Variants in STAG1 observed in about 807,000 individuals in gnomAD.
STAG1 encodes cohesin subunit SA-1.
STAG1 carries 26 observed loss-of-function variants against 170.9 expected under a neutral mutation model. The observed-to-expected ratio is 0.15, with a 90% CI of 0.11 to 0.21. The LOEUF is 0.21. Ranked by LOEUF, STAG1 falls within the 10% of genes least tolerant of loss-of-function variation. STAG1 has a pLI of 1.00. For synonymous variants in STAG1, 514 were observed against 497.7 expected, an observed-to-expected ratio of 1.03 and a Z score of -0.44; for missense variants, 964 against 1,509.5, an observed-to-expected ratio of 0.64 and a Z score of 5.99.
chr3:136,575,229 T>C (rs1576624264), intron 4 of STAG1, among the ~76,000 whole-genome samples: 1 of 152,134 alleles, frequency 6.6e-6, no homozygotes, highest in Non-Finnish European at 1.5e-5. Flanking sequence ...GTAGTGGGTT[T>C]TTCTTTTTTC....
chr3:136,464,911 G>A lies in STAG1; in HGVS notation c.1283C>T (p.Ala428Val). ...GTGAAGGAACTCTCCAGCTGCCACAGCAACAGGGCGATGTGCCGAGTACAC... is the reference window on the plus strand; with the variant it reads ...GTGAAGGAACTCTCCAGCTGCCACAACAACAGGGCGATGTGCCGAGTACAC... ...HLVYSAHRPV[A>V]VAAGEFLHKK... is the part of the protein sequence containing the mutation. The change falls in exon 13 of 34, where the codon GCT (alanine) becomes GTT (valine). Residue 428 changes from alanine to valine, a missense_variant. By Grantham distance (64) the Ala-to-Val change is moderately conservative (BLOSUM62 0). Around this residue, in one of 11 missense-constraint regions of STAG1, gnomAD observed 162 missense variants for 211.2 expected, o/e 0.77. Coordinates refer to ENST00000383202, the MANE Select transcript of STAG1 (RefSeq NM_005862.3). 6.2e-7 allele frequency: 1 copy of A among 1,612,306 alleles called. No individual in the cohort carries two copies. Among genetic ancestry groups the A allele is most frequent in the Non-Finnish European group, 8.5e-7 (1 of 1,179,260 alleles).
intron 4 of STAG1, among the ~76,000 whole-genome samples, chr3:136,601,952 T>C (rs979572514): frequency 6.6e-6 from 1 of 152,166 alleles, no homozygotes; most frequent in Non-Finnish European, 1.5e-5. Context: ...TATTGGTCAA[T>C]GTTTTATTTC....
At chr3:136,671,773 T>G (rs774451737) in intron 1 of STAG1, among the ~76,000 whole-genome samples, 4 of 151,992 alleles carry the variant, frequency 2.6e-5, no homozygotes, top group Non-Finnish European at 5.9e-5. Flanking sequence ...TTCGTGTTAT[T>G]TTGCAGGCTG....
chr3:136,493,561 G>A (rs1373480666), intron 9 of STAG1, among the ~76,000 whole-genome samples: 3 of 151,142 alleles, frequency 2.0e-5, no homozygotes, highest in Non-Finnish European at 4.4e-5. Context: ...GGGCTGAGGC[G>A]GGAGTACTGC....
At chr3:136,352,072 A>G (rs1936453247) in intron 28 of STAG1, among the ~76,000 whole-genome samples, 1 of 152,238 alleles carries the variant, frequency 6.6e-6, no homozygotes, top group Admixed American at 6.5e-5. Context: ...CCAACGAGAA[A>G]ATAATATCAA....
intron 1 of STAG1, among the ~76,000 whole-genome samples, chr3:136,725,383 A>T (rs759942671): frequency 6.6e-6 from 1 of 152,232 alleles, no homozygotes; most frequent in Non-Finnish European, 1.5e-5. Flanking sequence ...TGAGCTATTA[A>T]CATTGCTGGT....
intron 1 of STAG1, among the ~76,000 whole-genome samples, chr3:136,670,646 T>G (rs1368668105): frequency 6.6e-6 from 1 of 152,028 alleles, no homozygotes; most frequent in African/African-American, 2.4e-5. Flanking sequence ...ATTTTTTGTA[T>G]TTTTAGTAGA....
chr3:136,477,100 G>T (rs1478545861), intron 10 of STAG1, among the ~76,000 whole-genome samples, 189 bp downstream of exon 10: 2 of 152,104 alleles, frequency 1.3e-5, no homozygotes, highest in Non-Finnish European at 2.9e-5. Context: ...ACAAGATAGG[G>T]TCTTCACCCC....
chr3:136,551,264 A>AGGGC (rs1936387596), intron 5 of STAG1, among the ~76,000 whole-genome samples: 1 of 139,034 alleles, frequency 7.2e-6, no homozygotes, highest in East Asian at 2.1e-4. Context: ...AGAGAGAGGG[A>AGGGC]GAGCGAGAGA....
intron 15 of STAG1, among the ~76,000 whole-genome samples, chr3:136,441,322 C>T (rs2088625664): frequency 6.6e-6 from 1 of 152,124 alleles, no homozygotes; most frequent in African/African-American, 2.4e-5. Context: ...CGTGAGCCAC[C>T]ACACCTGGTC....
chr3:136,700,876 C>CTTTTT (rs35459362), intron 1 of STAG1, among the ~76,000 whole-genome samples: 70 of 78,320 alleles, frequency 8.9e-4, no homozygotes, highest in East Asian at 1.5e-3. Context: ...TATTTTTTTT[C>CTTTTT]TTTTTTTTTT....
intron 1 of STAG1, among the ~76,000 whole-genome samples, chr3:136,636,482 T>A (rs891959455): frequency 2.0e-5 from 3 of 152,244 alleles, no homozygotes; most frequent in African/African-American, 7.2e-5. Context: ...ATTTTACTCA[T>A]GTTTATATCA....
At chr3:136,747,723 T>C (rs1245112400) in intron 1 of STAG1, among the ~76,000 whole-genome samples, 1 of 150,994 alleles carries the variant, frequency 6.6e-6, no homozygotes, top group Non-Finnish European at 1.5e-5. Flanking sequence ...AGATTCAATA[T>C]CATATCAAAA....
intron 6 of STAG1, among the ~76,000 whole-genome samples, chr3:136,540,759 T>A (rs1164724309): frequency 7.8e-6 from 1 of 128,102 alleles, no homozygotes; most frequent in Non-Finnish European, 1.6e-5. Context: ...GAGGTAGAGG[T>A]TAAAGTAAGC....
chr3:136,472,602 T>C, intron 11 of STAG1, 110 bp from the exon 12 acceptor site: 1 of 668,016 alleles, frequency 1.5e-6, no homozygotes, highest in Non-Finnish European at 2.5e-6. Context: ...ATAGGTTAAA[T>C]AAAAAGCTTT....
chr3:136,548,659 A>G (rs889503190), intron 5 of STAG1, among the ~76,000 whole-genome samples: 3 of 152,088 alleles, frequency 2.0e-5, no homozygotes, highest in African/African-American at 7.2e-5. Flanking sequence ...CAATTCATGG[A>G]TGTCTTTCCA....
chr3:136,724,230 C>T (rs964017058), intron 1 of STAG1, among the ~76,000 whole-genome samples: 1 of 152,004 alleles, frequency 6.6e-6, no homozygotes, highest in Non-Finnish European at 1.5e-5. Flanking sequence ...GAGGTAGACA[C>T]GGGAGACTTT....
intron 4 of STAG1, among the ~76,000 whole-genome samples, chr3:136,603,134 AG>A (rs1938753175): frequency 6.6e-6 from 1 of 151,962 alleles, no homozygotes; most frequent in Middle Eastern, 3.4e-3. Context: ...TATAATAGAA[AG>A]TATACTAATG....
chr3:136,567,523 A>G (rs1238239050), intron 5 of STAG1, among the ~76,000 whole-genome samples: 1 of 152,136 alleles, frequency 6.6e-6, no homozygotes, highest in East Asian at 1.9e-4. Flanking sequence ...TGTAGGATAT[A>G]CTTTTTTACA....
Sources: allele counts gnomAD v4.1 joint callset (sites outside exome capture counted in the v4.1 genomes callset), GRCh38; gene constraint gnomAD v4.1.1; regional missense constraint gnomAD v4.1.1; transcripts MANE v1.5; gene names NCBI Gene and HGNC (gene_info 2026-07-23, HGNC 2026-07-21).